The following DNAH10 variants were observed in gnomAD, a reference collection of about 807,000 sequenced individuals.
DNAH10 encodes the protein axonemal beta dynein heavy chain 10.
DNAH10 carries 348 observed loss-of-function variants against 506.6 expected under a neutral mutation model. The ratio of observed to expected loss-of-function variants is 0.69; its 90% CI spans 0.63 to 0.75. The LOEUF is 0.75. Among genes scored for constraint, DNAH10 ranks in the 30% least tolerant of loss-of-function variants. DNAH10 has a pLI of 0.00. For synonymous variants in DNAH10, 2,059 were observed against 2,198.6 expected (o/e 0.94, Z 1.78); for missense variants, 5,179 against 5,787.1 (o/e 0.89, Z 3.41).
chr12:123,845,531 T>C (rs1333080355), intron 30 of DNAH10, 69 bp from the exon 31 acceptor site: 7 of 1,570,500 alleles, frequency 4.5e-6, no homozygotes, highest in African/African-American at 1.4e-5. Flanking sequence ...AATAAATTCC[T>C]GAAGGGACTG....
intron 21 of DNAH10, among the ~76,000 whole-genome samples, chr12:123,815,173 T>C (rs924380273): frequency 6.6e-6 from 1 of 152,124 alleles, no homozygotes; most frequent in South Asian, 2.1e-4. Flanking sequence ...CATGAACATG[T>C]TCTCTCTCTC....
rs1161331086 is a variant in DNAH10, at chr12:123,804,981, C to T, written c.2928C>T (p.Ala976=). 3.7e-6 allele frequency: 6 copies of T among 1,614,200 alleles called. No homozygotes were observed. Among genetic ancestry groups the T allele is most frequent in the Non-Finnish European group, 4.2e-6 (5 of 1,180,042 alleles). ...HTNTGKAPKL[A]SYYKYWEKKI... ...ACACAGGCAAGGCCCCCAAGCTGGC[C>T]TCCTACTACAAATACTGGGAAAAGA... Residue 976 remains alanine (A), a synonymous_variant, in exon 18 of 79, where the codon GCC becomes GCT. Transcript: ENST00000673944.
At chr12:123,886,022 G>A (rs879541640) in intron 51 of DNAH10, among the ~76,000 whole-genome samples, 8 of 152,102 alleles carry the variant, frequency 5.3e-5, no homozygotes, top group Non-Finnish European at 1.0e-4. Context: ...TGTAAAAAAG[G>A]GAAAAACTAA....
At chr12:123,838,432 C>T (rs763596631) in intron 28 of DNAH10, 24 bp from the exon 29 acceptor site, 20 of 1,594,748 alleles carry the variant, frequency 1.3e-5, no homozygotes, top group South Asian at 5.6e-5. Flanking sequence ...CCCTGCTTGA[C>T]GGCTGTCCTC....
In DNAH10 at chr12:123,934,650, G is replaced by A; in HGVS notation, c.13507G>A (p.Gly4503Ser). 1.2e-6 allele frequency: 2 copies of A among 1,613,762 alleles called. No individual in the cohort carries two copies. Among genetic ancestry groups the A allele is most frequent in the East Asian group, 2.2e-5 (1 of 44,878 alleles). Residue 4503 changes from glycine to serine, a missense_variant, in exon 78 of 79, where the codon GGT becomes AGT. By Grantham distance (56) the Gly-to-Ser change is moderately conservative. This residue lies in a region of DNAH10 where 4,844 missense variants were observed against 5,430.5 expected (regional missense o/e 0.89). Coordinates refer to ENST00000673944, the MANE Select transcript of DNAH10 (RefSeq NM_001372106.1). ...GCFVSGLYLE[G>S]ADWDIEKGCL... ...CTTTGTCTCAGGACTGTACCTGGAA[G>A]GTGCTGACTGGGATATAGAAAAAGG...
At chr12:123,861,898 C>T (rs1320369765) in intron 39 of DNAH10, among the ~76,000 whole-genome samples, 1 of 152,244 alleles carries the variant, frequency 6.6e-6, no homozygotes, top group Non-Finnish European at 1.5e-5. Context: ...CAGGATTCCA[C>T]GCTGAATTCC....
intron 48 of DNAH10, among the ~76,000 whole-genome samples, 197 bp downstream of exon 48, chr12:123,878,105 G>A (rs899393743): frequency 6.6e-6 from 1 of 152,218 alleles, no homozygotes; most frequent in African/African-American, 2.4e-5. Context: ...ATTGAAACAG[G>A]CAAAACCAAG....
intron 43 of DNAH10, among the ~76,000 whole-genome samples, chr12:123,868,385 C>G (rs1296554321): frequency 6.6e-6 from 1 of 152,154 alleles, no homozygotes; most frequent in Non-Finnish European, 1.5e-5. Context: ...GCACTTGCTT[C>G]CTTTGCTCTT....
At chr12:123,934,305 C>A (rs1394793687) in intron 77 of DNAH10, 3 of 688,232 alleles carry the variant, frequency 4.4e-6, no homozygotes, top group Admixed American at 4.1e-5. Context: ...ATCTTTCTAG[C>A]CTGGGGGCCC....
At chr12:123,810,518 A>G (rs1958890423) in intron 19 of DNAH10, among the ~76,000 whole-genome samples, 1 of 152,114 alleles carries the variant, frequency 6.6e-6, no homozygotes, top group Non-Finnish European at 1.5e-5. Context: ...TGTCTCTACT[A>G]AAAATACACA....
intron 61 of DNAH10, 78 bp downstream of exon 61, chr12:123,914,628 A>G: frequency 6.7e-7 from 1 of 1,486,494 alleles, no homozygotes; most frequent in Non-Finnish European, 9.0e-7. Context: ...CCCTGGGGGG[A>G]GGCAATGGCC....
chr12:123,790,870 A>T (rs1958053874), intron 11 of DNAH10, among the ~76,000 whole-genome samples: 1 of 152,200 alleles, frequency 6.6e-6, no homozygotes, highest in South Asian at 2.1e-4. Flanking sequence ...CATGCCTGTC[A>T]TGCCAACACT....
intron 29 of DNAH10, 135 bp downstream of exon 29, chr12:123,838,824 G>GT: frequency 3.7e-6 from 3 of 800,178 alleles, no homozygotes; most frequent in Non-Finnish European, 3.9e-6. Flanking sequence ...TTTTTGGTTT[G>GT]TTTTTTGAGA....
chr12:123,799,224 G>A lies in DNAH10; in HGVS notation c.2164-22G>A, dbSNP rs183541772. On this transcript the variant is annotated intron_variant, in intron 13 of 78. Transcript: ENST00000673944. ...ATGTTATTTTCAAGGACAAAATGAC[G>A]GTTGCTTGAATTCTTTGATAGGTCA... 4.6e-4 allele frequency: 730 copies of A among 1,589,542 alleles called. 4 individuals are homozygous for A. The highest frequency in any genetic ancestry group is 8.4e-4 in the Middle Eastern group (5 of 5,952).
chr12:123,783,185 A>C lies in DNAH10; in HGVS notation c.920A>C (p.Asp307Ala). Residue 307 changes from aspartate to alanine, a missense_variant, in exon 7 of 79, where the codon GAC (aspartate) becomes GCC (alanine). Physicochemically the swap from Asp to Ala is moderately radical, Grantham distance 126. Transcript: ENST00000673944. ...SDLAADPETV[D>A]ILEQCVINWL... The stretch of plus-strand genomic sequence containing the variant: ...CTGGCAGCTGACCCGGAAACCGTTG[A>C]CATCTTGGAGCAGTGTGTGATAAAC... 6.2e-7 allele frequency: 1 copy of C among 1,614,192 alleles called. No homozygotes were observed. The highest frequency in any genetic ancestry group is 8.5e-7 in the Non-Finnish European group (1 of 1,180,028).
At chr12:123,788,903 C>T (rs868432168) in intron 10 of DNAH10, among the ~76,000 whole-genome samples, 5 of 136,858 alleles carry the variant, frequency 3.7e-5, no homozygotes, top group South Asian at 2.3e-4. Flanking sequence ...CCAGCCTGGG[C>T]GACAGAGTGA....
At chr12:123,771,390 G>A (rs1957247128) in intron 2 of DNAH10, among the ~76,000 whole-genome samples, 1 of 152,108 alleles carries the variant, frequency 6.6e-6, no homozygotes, top group South Asian at 2.1e-4. Flanking sequence ...AATTTCTGAT[G>A]GACACCCTGT....
Position 123,850,964 on chromosome 12 carries a change from C to T in DNAH10, c.6179C>T (p.Thr2060Met), listed in dbSNP as rs202214652. ...ITMNPGYAGR[T>M]ELPESVKALF... ...ATGAACCCCGGCTACGCAGGCCGCACGGAGCTGCCCGAGTCGGTGAAGGCG... is the reference window on the plus strand; with the variant it reads ...ATGAACCCCGGCTACGCAGGCCGCATGGAGCTGCCCGAGTCGGTGAAGGCG... The change falls in exon 35 of 79, where the codon ACG becomes ATG. Residue 2060 changes from threonine to methionine, a missense_variant. Thr to Met is a moderately conservative substitution (Grantham distance 81). Transcript: ENST00000673944. This position sits in a 1 kb window ranked among gnomAD's most constrained non-coding sequence, Gnocchi z 5.5. 8.1e-6 allele frequency: 13 copies of T among 1,614,048 alleles called. No individual in the cohort carries two copies. The highest frequency in any genetic ancestry group is 1.7e-5 in the Admixed American group (1 of 60,012).
intron 43 of DNAH10, 73 bp from the exon 44 acceptor site, chr12:123,870,293 C>T: frequency 6.5e-7 from 1 of 1,546,640 alleles, no homozygotes; most frequent in Non-Finnish European, 8.7e-7. Context: ...TAGTTCATTT[C>T]AAGCATGTGC....
Sources: allele counts gnomAD v4.1 joint callset (sites outside exome capture counted in the v4.1 genomes callset), GRCh38; gene constraint gnomAD v4.1.1; regional missense constraint gnomAD v4.1.1; non-coding constraint Gnocchi (gnomAD v3.1); transcripts MANE v1.5; gene names NCBI Gene and HGNC (gene_info 2026-07-23, HGNC 2026-07-21).